PIBF1: variants seen among roughly 807,000 people sequenced by gnomAD.
PIBF1 encodes progesterone immunomodulatory binding factor 1.
In PIBF1, 90 loss-of-function variants were observed where a neutral mutation model predicts 112.5. That is an observed-to-expected ratio of 0.80 (90% CI 0.67 to 0.95). PIBF1 has a LOEUF of 0.95. PIBF1 is among the 40% of genes least tolerant of loss of function. The probability of loss-of-function intolerance (pLI) is 0.00; values close to 1 mark genes in which losing one functional copy is unlikely to be tolerated. For missense variants in PIBF1, 915 were observed against 852.3 expected (o/e 1.07, Z -0.92); for synonymous variants, 301 against 288.6 (o/e 1.04, Z -0.44).
chr13:72,839,302 G>T (rs911143007), intron 9 of PIBF1, among the ~76,000 whole-genome samples: 1 of 152,198 alleles, frequency 6.6e-6, no homozygotes, highest in Admixed American at 6.5e-5. Flanking sequence ...TTGGTTGGAT[G>T]AGAACTCGTT....
intron 10 of PIBF1, among the ~76,000 whole-genome samples, chr13:72,866,727 C>G (rs1318181664): frequency 6.6e-6 from 1 of 152,112 alleles, no homozygotes; most frequent in Non-Finnish European, 1.5e-5. Flanking sequence ...TAATTGCTAG[C>G]AATTAAATTT....
At position 72,893,963 on chromosome 13, in the gene PIBF1, C is replaced by A. The variant is rs1018072946; in HGVS notation, c.1488+14C>A. The stretch of plus-strand genomic sequence containing the variant: ...AAAAAATTGGAGGTACATGTACAAG[C>A]TTTTCTTTCAACATTAGCATGGCAT... On this transcript the variant is annotated intron_variant, in intron 11 of 17. Coordinates refer to ENST00000326291, the MANE Select transcript of PIBF1 (RefSeq NM_006346.4). The A allele has an allele frequency of 2.2e-6, 3 of 1,374,710 alleles. No homozygotes were observed. In the Admixed American group the frequency reaches 6.7e-5, roughly 31 times the overall value. 85.2% of individuals were successfully genotyped at this position (1,374,710 alleles called of 1,614,324 possible). A position where few individuals can be genotyped will look rare whatever the true frequency, so the allele number is the denominator to read the frequency against.
chr13:72,884,367 T>C (rs968880628), intron 10 of PIBF1: 2 of 152,084 alleles, frequency 1.3e-5, no homozygotes, highest in Non-Finnish European at 2.9e-5. Context: ...CACTTAGTCA[T>C]GGTTACAATG....
chr13:72,822,582 A>T (rs1439933332), intron 6 of PIBF1, among the ~76,000 whole-genome samples: 1 of 152,206 alleles, frequency 6.6e-6, no homozygotes, highest in Non-Finnish European at 1.5e-5. Context: ...AGATCAAATA[A>T]ATATGAAAGC....
At chr13:72,960,734 A>G (rs1311640358) in intron 14 of PIBF1, among the ~76,000 whole-genome samples, 2 of 152,210 alleles carry the variant, frequency 1.3e-5, no homozygotes, top group African/African-American at 4.8e-5. Flanking sequence ...AACAAAGCCA[A>G]GGCAATTGTT....
intron 10 of PIBF1, among the ~76,000 whole-genome samples, chr13:72,883,338 G>A (rs916869898): frequency 3.3e-5 from 5 of 152,322 alleles, no homozygotes; most frequent in African/African-American, 9.6e-5. Context: ...CAGAGACTGG[G>A]AAGGGTAGTT....
chr13:72,890,982 T>C (rs1348757412), intron 10 of PIBF1, among the ~76,000 whole-genome samples: 1 of 152,160 alleles, frequency 6.6e-6, no homozygotes, highest in African/African-American at 2.4e-5. Context: ...TTTACAAAGC[T>C]TCAGTTTATG....
At chr13:72,988,494 TC>T (rs1317975900) in intron 16 of PIBF1, among the ~76,000 whole-genome samples, 1 of 152,142 alleles carries the variant, frequency 6.6e-6, no homozygotes, top group East Asian at 1.9e-4. Flanking sequence ...CAGTACAAAA[TC>T]TGTTTTGTCC....
chr13:72,986,197 A>G (rs905058638), intron 16 of PIBF1, among the ~76,000 whole-genome samples: 2 of 152,076 alleles, frequency 1.3e-5, no homozygotes, highest in African/African-American at 4.8e-5. Flanking sequence ...AAAAATTTTG[A>G]TGAAAAAGTT....
intron 11 of PIBF1, among the ~76,000 whole-genome samples, chr13:72,894,382 A>G (rs746786487): frequency 2.6e-5 from 4 of 152,114 alleles, no homozygotes; most frequent in East Asian, 1.9e-4. Flanking sequence ...AAATAATTCT[A>G]TAGAACAACT....
chr13:72,874,365 T>G (rs1016148494), intron 10 of PIBF1, among the ~76,000 whole-genome samples: 3 of 152,150 alleles, frequency 2.0e-5, no homozygotes, highest in African/African-American at 7.2e-5. Flanking sequence ...TCAAACTAAA[T>G]TTGAGTTTAC....
In PIBF1 at chr13:72,998,868, A is replaced by T. The variant is rs779580256; in HGVS notation, c.2096A>T (p.His699Leu). Residue 699 changes from histidine (H) to leucine (L), a missense_variant, in exon 17 of 18, where the codon CAT becomes CTT. Transcript: ENST00000326291. ...ATTCTCGTTAAGATGCATAGTAAAC[A>T]TTCTGAGAACAGCTTACTTCTCACT... Reference protein sequence around the residue: ...KQILVKMHSKHSENSLLLTKT... With the variant: ...KQILVKMHSKLSENSLLLTKT... 6.2e-7 allele frequency: 1 copy of T among 1,612,192 alleles called. No individual in the cohort carries two copies. The highest frequency in any genetic ancestry group is 1.3e-5 in the African/African-American group (1 of 75,016).
chr13:72,972,340 C>T (rs2042917204), intron 15 of PIBF1, among the ~76,000 whole-genome samples: 1 of 152,088 alleles, frequency 6.6e-6, no homozygotes, highest in South Asian at 2.1e-4. Flanking sequence ...CCTCCATTTT[C>T]TTAAAGTAGA....
In PIBF1 at chr13:72,828,502, C is replaced by T. The variant is rs950009687; in HGVS notation, c.1097+588C>T. ...CCACGTGTTCTCATTGTTCAACTCC[C>T]GCTTATGAGTGAGAACATACGGTGT... On this transcript the variant is annotated intron_variant, in intron 8 of 17. Transcript: ENST00000326291. 7.2e-5 allele frequency among the ~76,000 whole-genome samples: 11 copies of T among 152,032 alleles called. 1 individual carries two copies. The highest frequency in any genetic ancestry group is 1.5e-4 in the Non-Finnish European group (10 of 68,012).
chr13:72,818,678 C>CTTTTTTTTTTTTTT, intron 5 of PIBF1, among the ~76,000 whole-genome samples: 1 of 80,392 alleles, frequency 1.2e-5, no homozygotes, highest in Non-Finnish European at 2.2e-5. Context: ...CAGTCTTAAA[C>CTTTTTTTTTTTTTT]TTTTTTTTTT....
intron 10 of PIBF1, among the ~76,000 whole-genome samples, chr13:72,891,847 G>C (rs2040068752): frequency 6.6e-6 from 1 of 152,086 alleles, no homozygotes; most frequent in Admixed American, 6.6e-5. Flanking sequence ...ATGTGATGTA[G>C]TTAAACATTT....
intron 16 of PIBF1, among the ~76,000 whole-genome samples, chr13:72,990,203 G>C (rs1341801606): frequency 9.0e-5 from 9 of 100,022 alleles, no homozygotes; most frequent in Admixed American, 7.4e-4. Context: ...AACAAAGCAA[G>C]ACTCTGTCTC....
At chr13:72,869,387 G>A (rs1407724110) in intron 10 of PIBF1, among the ~76,000 whole-genome samples, 1 of 146,588 alleles carries the variant, frequency 6.8e-6, no homozygotes, top group Non-Finnish European at 1.5e-5. Context: ...AGCACTGCAT[G>A]TTCTCACTCA....
rs746863286 is a variant in PIBF1, at chr13:72,792,404, C to T, written c.253-43C>T. The T allele has an allele frequency of 4.1e-6, 5 of 1,205,630 alleles. No homozygotes were observed. In the South Asian group the frequency reaches 5.5e-5, roughly 13 times the overall value. The allele number at this position is 1,205,630 out of a possible 1,614,324, so 74.7% of individuals were successfully genotyped here. On this transcript the variant is annotated intron_variant, in intron 2 of 17. Transcript: ENST00000326291. ...GTTTATTATGAAACTGAAAGTTTTT[C>T]TTTATGACAAATCATATAATTTATC...
Sources: allele counts gnomAD v4.1 joint callset (sites outside exome capture counted in the v4.1 genomes callset), GRCh38; gene constraint gnomAD v4.1.1; transcripts MANE v1.5; gene names NCBI Gene and HGNC (gene_info 2026-07-23, HGNC 2026-07-21).